Variants in STAT3 observed in about 807,000 individuals in gnomAD.
STAT3 encodes signal transducer and activator of transcription 3, also known as DNA-binding protein APRF.
A neutral mutation model predicts 114.3 loss-of-function variants in STAT3; 7 were observed. That is an observed-to-expected ratio of 0.06 (90% CI 0.03 to 0.11). The LOEUF (loss-of-function observed/expected upper bound fraction) is 0.11, where lower values mean the gene tolerates loss of function less well. Among genes scored for constraint, STAT3 ranks in the 10% least tolerant of loss-of-function variants. The probability of loss-of-function intolerance (pLI) is 1.00; values close to 1 mark genes in which losing one functional copy is unlikely to be tolerated. For synonymous variants in STAT3, 331 were observed against 354.5 expected (o/e 0.93, Z 0.74); for missense variants, 364 against 960.9 (o/e 0.38, Z 8.21).
At chr17:42,388,180 G>A in intron 1 of STAT3, 99 bp downstream of exon 1, 3 of 1,195,464 alleles carry the variant, frequency 2.5e-6, no homozygotes, top group Non-Finnish European at 3.1e-6. Flanking sequence ...CCACTGCAGC[G>A]TCCATCACAA....
intron 1 of STAT3, among the ~76,000 whole-genome samples, chr17:42,366,756 T>C (rs930891964): frequency 6.6e-6 from 1 of 150,400 alleles, no homozygotes; most frequent in African/African-American, 2.5e-5. Flanking sequence ...CACCAGCATC[T>C]CTTACCTAGA....
At chr17:42,358,673 G>C (rs1419929576) in intron 1 of STAT3, among the ~76,000 whole-genome samples, 1 of 152,194 alleles carries the variant, frequency 6.6e-6, no homozygotes, top group East Asian at 1.9e-4. Flanking sequence ...GGACAGTAGA[G>C]ACGGGAGCTG....
At chr17:42,326,325 C>T (rs2081721369) in intron 14 of STAT3, 126 bp from the exon 15 acceptor site, 2 of 774,714 alleles carry the variant, frequency 2.6e-6, no homozygotes, top group Non-Finnish European at 4.4e-6. Flanking sequence ...CTAAGCAGCA[C>T]AGCAAAACTC....
chr17:42,383,603 C>T (rs1010366794), intron 1 of STAT3, among the ~76,000 whole-genome samples: 2 of 152,190 alleles, frequency 1.3e-5, no homozygotes, highest in South Asian at 2.1e-4. Context: ...TTTACGCTTA[C>T]GTCTTGTAAG....
intron 11 of STAT3, 59 bp downstream of exon 11, chr17:42,331,413 C>G: frequency 6.9e-7 from 1 of 1,449,966 alleles, no homozygotes; most frequent in Non-Finnish European, 9.7e-7. Context: ...TGATGTCTGT[C>G]AAAGTTCTCA....
intron 1 of STAT3, among the ~76,000 whole-genome samples, chr17:42,355,502 A>G (rs924886959): frequency 1.3e-5 from 2 of 152,196 alleles, no homozygotes. Flanking sequence ...GTCAGCAGAT[A>G]GTAGATGCAC....
intron 1 of STAT3, among the ~76,000 whole-genome samples, chr17:42,368,866 A>G (rs2083949838): frequency 6.6e-6 from 1 of 151,924 alleles, no homozygotes; most frequent in Non-Finnish European, 1.5e-5. Flanking sequence ...CCCAATACCC[A>G]ATAGTTATCT....
rs773263784 is a variant in STAT3 at position 42,323,223 on chromosome 17, G to A, written c.1748+37C>T. Reference sequence around the variant, plus strand: ...TGCCACTGGCTTGCTGAGAGCAGGGGACTTGGTTACATCTGTGCACACTCT... The same window carrying A: ...TGCCACTGGCTTGCTGAGAGCAGGGAACTTGGTTACATCTGTGCACACTCT... On this transcript the variant is annotated intron_variant, in intron 19 of 23. Coordinates refer to ENST00000264657, the MANE Select transcript of STAT3 (RefSeq NM_139276.3). 5.0e-6 allele frequency: 8 copies of A among 1,614,104 alleles called. No homozygotes were observed. In the Admixed American group the frequency reaches 5.0e-5, roughly 10 times the overall value.
rs946202555 is a variant in STAT3, at chr17:42,337,100, G to T, written c.797+335C>A. 6.6e-6 allele frequency among the ~76,000 whole-genome samples: 1 copy of T among 151,810 alleles called. No individual in the cohort carries two copies. Among genetic ancestry groups the T allele is most frequent in the Admixed American group, 6.6e-5 (1 of 15,240 alleles). Reference sequence around the variant, plus strand: ...TTCAAGTGATTCTCCTGCCTCAGCCGCCCAGAGTAGCTGGGACTACAGGTG... The same window carrying T: ...TTCAAGTGATTCTCCTGCCTCAGCCTCCCAGAGTAGCTGGGACTACAGGTG... On this transcript the variant is annotated intron_variant, in intron 8 of 23. Coordinates refer to ENST00000264657, the MANE Select transcript of STAT3 (RefSeq NM_139276.3). The surrounding 1 kb of genome is among the most constrained non-coding windows in gnomAD (Gnocchi z 4.0).
intron 1 of STAT3, among the ~76,000 whole-genome samples, chr17:42,351,803 G>T (rs1422918984): frequency 6.6e-6 from 1 of 152,050 alleles, no homozygotes; most frequent in Non-Finnish European, 1.5e-5. Flanking sequence ...GAATCGCCTA[G>T]GCTGGAGTGC....
At chr17:42,387,704 A>T (rs935527088) in intron 1 of STAT3, 4 of 152,232 alleles carry the variant, frequency 2.6e-5, no homozygotes, top group African/African-American at 9.6e-5. Flanking sequence ...ATTTCCCTAC[A>T]GGAAACTTGA....
rs2145012997 is a variant in STAT3, at chr17:42,348,372, A to T, written c.128+17T>A. ...CTGAAACCTAACAATTTGGAGAGTC[A>T]CTTAAGAAGGACTTACCAATCTTGA... On this transcript the variant is annotated intron_variant, in intron 2 of 23. Transcript: ENST00000264657. 1.2e-6 allele frequency: 2 copies of T among 1,614,034 alleles called. No individual in the cohort carries two copies. Among genetic ancestry groups the T allele is most frequent in the Non-Finnish European group, 1.7e-6 (2 of 1,179,972 alleles).
chr17:42,316,105 A>C, intron 23 of STAT3: 1 of 1,325,750 alleles, frequency 7.5e-7, no homozygotes, highest in African/African-American at 1.5e-5. Context: ...CCCGAGACAC[A>C]CGTGGCCACC....
At chr17:42,328,110 T>C (rs1299091811) in intron 14 of STAT3, among the ~76,000 whole-genome samples, 1 of 151,880 alleles carries the variant, frequency 6.6e-6, no homozygotes, top group African/African-American at 2.4e-5. Context: ...AAAAGTAATA[T>C]ATTCAGTTTA....
intron 1 of STAT3, among the ~76,000 whole-genome samples, chr17:42,364,034 T>C (rs969939898): frequency 1.3e-5 from 2 of 152,084 alleles, no homozygotes; most frequent in Non-Finnish European, 2.9e-5. Flanking sequence ...GAGGAGCAGC[T>C]CTCTGCTGGC....
At chr17:42,325,182 C>A (rs935617538) in intron 15 of STAT3, 121 bp from the exon 16 acceptor site, 7 of 910,502 alleles carry the variant, frequency 7.7e-6, no homozygotes, top group Non-Finnish European at 1.2e-5. Flanking sequence ...ACACCTGCTG[C>A]CAACTCTAGG....
chr17:42,351,322 T>C (rs1278054045), intron 1 of STAT3, among the ~76,000 whole-genome samples: 3 of 152,104 alleles, frequency 2.0e-5, no homozygotes, highest in South Asian at 4.1e-4. Context: ...CACAGCTCAC[T>C]GTAGCCTCAA....
At position 42,337,545 on chromosome 17, in the gene STAT3, C is replaced by A; in HGVS notation, c.687G>T (p.Glu229Asp). ...CGTCCGTGAGAGTTTTCTGCACGTA[C>A]TCCATCGCTGACAAAAGCCCCGCCA... is the stretch of plus-strand genomic sequence containing the variant. ...SELAGLLSAM[E>D]YVQKTLTDEE... The change falls in exon 8 of 24, where the codon GAG becomes GAT. Residue 229 changes from glutamate to aspartate, a missense_variant. Transcript: ENST00000264657. The surrounding 1 kb of genome is among the most constrained non-coding windows in gnomAD (Gnocchi z 4.0). 1.9e-6 allele frequency: 3 copies of A among 1,614,248 alleles called. No individual in the cohort carries two copies. Among genetic ancestry groups the A allele is most frequent in the Non-Finnish European group, 2.5e-6 (3 of 1,180,050 alleles).
At chr17:42,370,434 C>T (rs554352875) in intron 1 of STAT3, among the ~76,000 whole-genome samples, 2 of 151,796 alleles carry the variant, frequency 1.3e-5, no homozygotes, top group South Asian at 2.1e-4. Context: ...TTAGCAGAGA[C>T]GGGGTTTCAC....
Sources: gnomAD v4.1 joint callset for allele counts (sites outside exome capture counted in the v4.1 genomes callset) on GRCh38, gnomAD v4.1.1 for gene constraint, Gnocchi (gnomAD v3.1) non-coding constraint, MANE v1.5 for transcripts, NCBI Gene and HGNC (gene_info 2026-07-23, HGNC 2026-07-21) for gene names.